SLC25A17: variants seen among roughly 807,000 people sequenced by gnomAD.
The protein encoded by SLC25A17 is peroxisomal membrane protein PMP34.
Under a neutral mutation model 38.5 loss-of-function variants are expected in SLC25A17, and 26 were observed. The observed-to-expected ratio is 0.68, with a 90% CI of 0.50 to 0.94. The LOEUF is 0.94. Ranked by LOEUF, SLC25A17 falls within the 40% of genes least tolerant of loss-of-function variation. The pLI is 0.00. For missense variants in SLC25A17, 333 were observed against 372.7 expected, an observed-to-expected ratio of 0.89 and a Z score of 0.88; for synonymous variants, 139 against 136.2, an observed-to-expected ratio of 1.02 and a Z score of -0.14.
At chr22:40,818,992 G>C (rs1442461310) in intron 1 of SLC25A17, among the ~76,000 whole-genome samples, 2 of 152,176 alleles carry the variant, frequency 1.3e-5, no homozygotes, top group African/African-American at 4.8e-5. Context: ...AGGAGACCAG[G>C]AGGTGGCGGA....
intron 4 of SLC25A17, among the ~76,000 whole-genome samples, 185 bp downstream of exon 4, chr22:40,792,340 C>T (rs542718273): frequency 6.6e-6 from 1 of 151,762 alleles, no homozygotes; most frequent in Non-Finnish European, 1.5e-5. Context: ...CACTACTGAC[C>T]TTACACTTAA....
chr22:40,804,596 G>A (rs1377363010), intron 1 of SLC25A17, among the ~76,000 whole-genome samples: 1 of 152,102 alleles, frequency 6.6e-6, no homozygotes, highest in Non-Finnish European at 1.5e-5. Flanking sequence ...CTATTGAGTT[G>A]TGTGAGTTGC....
chr22:40,814,822 G>GT (rs1165837350), intron 1 of SLC25A17, among the ~76,000 whole-genome samples: 19 of 141,578 alleles, frequency 1.3e-4, no homozygotes, highest in East Asian at 4.4e-4. Context: ...GTTTTGTTTT[G>GT]GTTTTTTTTG....
intron 1 of SLC25A17, among the ~76,000 whole-genome samples, chr22:40,815,451 C>T (rs2057629549): frequency 6.6e-6 from 1 of 152,134 alleles, no homozygotes; most frequent in Admixed American, 6.5e-5. Flanking sequence ...AAAAACTCAT[C>T]CCAAGTAGGT....
rs191644643 is a variant in SLC25A17, at chr22:40,795,364, C to T, written c.116-784G>A. Among the ~76,000 whole-genome samples the T allele has an allele frequency of 1.9e-3, 294 of 151,908 alleles. 4 individuals carry two copies. In the East Asian group the frequency reaches 0.035, roughly 18 times the overall value. ...CTGGAGTGCAGCGGCGTGATCTCGG[C>T]TCACTGCAAGCTCCACCTCCTGGGT... On this transcript the variant is annotated intron_variant, in intron 2 of 8. Transcript: ENST00000435456.
chr22:40,800,806 A>ATTT (rs1319762563), intron 1 of SLC25A17, among the ~76,000 whole-genome samples: 1 of 150,082 alleles, frequency 6.7e-6, no homozygotes, highest in African/African-American at 2.4e-5. Context: ...AAAAAAAAAA[A>ATTT]TTTTGAATAA....
At position 40,779,050 on chromosome 22, in the gene SLC25A17, C is replaced by T. The variant is rs1485784044; in HGVS notation, c.410G>A (p.Arg137Lys). 1 of 1,614,112 alleles carries T rather than the reference C, an allele frequency of 6.2e-7. No homozygotes were observed. The highest frequency in any genetic ancestry group is 8.5e-7 in the Non-Finnish European group (1 of 1,180,022). Residue 137 changes from arginine to lysine, a missense_variant, in exon 5 of 9, where the codon AGG becomes AAG. Transcript: ENST00000435456. ...GTTTGTTGGTACAATGTCTTCATTCCTAAATTTTGCTCCTTGAAGCTTCAG... is the reference window on the plus strand; with the variant it reads ...GTTTGTTGGTACAATGTCTTCATTCTTAAATTTTGCTCCTTGAAGCTTCAG... ...TRLKLQGAKF[R>K]NEDIVPTNYK...
intron 1 of SLC25A17, among the ~76,000 whole-genome samples, chr22:40,804,498 T>C (rs1441834091): frequency 6.6e-6 from 1 of 152,220 alleles, no homozygotes; most frequent in African/African-American, 2.4e-5. Context: ...GCCAATTCTA[T>C]GTCTTCTTTT....
In SLC25A17 at chr22:40,777,252, C is replaced by A. The variant is rs147363442; in HGVS notation, c.573G>T (p.Arg191=). Residue 191 remains arginine, a synonymous_variant, in exon 6 of 9, where the codon CGG becomes CGT. Coordinates refer to ENST00000435456, the MANE Select transcript of SLC25A17 (RefSeq NM_006358.4). ...IQFMFYEGLK[R]QLLKKRMKLS... is the part of the protein sequence containing the mutation. ...CCTTCATCCGTTTCTTTAAAAGCTG[C>A]CGTTTTAAACCTTCATAAAACATGA... The A allele has an allele frequency of 6.2e-7, 1 of 1,614,008 alleles. No homozygotes were observed. The highest frequency in any genetic ancestry group is 8.5e-7 in the Non-Finnish European group (1 of 1,179,898).
At chr22:40,783,994 C>T (rs539947666) in intron 4 of SLC25A17, among the ~76,000 whole-genome samples, 52 of 152,214 alleles carry the variant, frequency 3.4e-4, no homozygotes, top group African/African-American at 1.2e-3. Flanking sequence ...CATGAGCCAC[C>T]GCGCCCGGCC....
At chr22:40,815,421 C>T (rs976556715) in intron 1 of SLC25A17, among the ~76,000 whole-genome samples, 1 of 152,114 alleles carries the variant, frequency 6.6e-6, no homozygotes, top group East Asian at 1.9e-4. Context: ...ACGAGTACAA[C>T]TGTAATTGGA....
At chr22:40,797,098 C>A (rs903001444) in intron 2 of SLC25A17, among the ~76,000 whole-genome samples, 1 of 152,132 alleles carries the variant, frequency 6.6e-6, no homozygotes, top group African/African-American at 2.4e-5. Flanking sequence ...AAACATGCTA[C>A]CTGCAGTGAA....
chr22:40,775,664 C>T (rs941824009), intron 7 of SLC25A17, among the ~76,000 whole-genome samples: 3 of 151,388 alleles, frequency 2.0e-5, no homozygotes, highest in Non-Finnish European at 4.4e-5. Flanking sequence ...GGGGTTTCAC[C>T]TTGTTAGCCA....
rs2057410512 is a variant in SLC25A17, at chr22:40,794,538, A to G, written c.158T>C (p.Leu53Pro). ...RKSKTTHMVLLEIIKEEGLLA... is the reference protein window; with the variant it reads ...RKSKTTHMVLPEIIKEEGLLA... The stretch of plus-strand genomic sequence containing the variant: ...CAGTCCTTCTTCTTTAATGATCTCC[A>G]GGAGCACCATGTGTGTAGTTTTGGA... Residue 53 changes from leucine (L) to proline (P), a missense_variant, in exon 3 of 9, where the codon CTG (leucine) becomes CCG (proline). Transcript: ENST00000435456. 2 of 1,611,636 alleles carry G rather than the reference A, an allele frequency of 1.2e-6. No individual in the cohort carries two copies. Among genetic ancestry groups the G allele is most frequent in the Non-Finnish European group, 1.7e-6 (2 of 1,177,910 alleles).
At chr22:40,806,470 G>C (rs1314646434) in intron 1 of SLC25A17, among the ~76,000 whole-genome samples, 1 of 152,006 alleles carries the variant, frequency 6.6e-6, no homozygotes, top group Non-Finnish European at 1.5e-5. Flanking sequence ...AAGAAAGTAA[G>C]GGAAATCCAT....
chr22:40,799,061 A>G lies in SLC25A17; in HGVS notation c.77T>C (p.Val26Ala). ...TCTAGCTGTATCCAGGGGAAAAAAC[A>G]CTGTCATTGCTGTCACGCTTCCCTG... Reference protein sequence around the residue: ...GAVGSVTAMTVFFPLDTARLR... With the variant: ...GAVGSVTAMTAFFPLDTARLR... The change falls in exon 2 of 9, where the codon GTG (valine) becomes GCG (alanine). Residue 26 changes from valine to alanine, a missense_variant. Transcript: ENST00000435456. 1 of 1,613,780 alleles carries G rather than the reference A, an allele frequency of 6.2e-7. No homozygotes were observed. Among genetic ancestry groups the G allele is most frequent in the African/African-American group, 1.3e-5 (1 of 75,010 alleles).
chr22:40,803,087 A>C (rs2057497426), intron 1 of SLC25A17, among the ~76,000 whole-genome samples: 1 of 152,162 alleles, frequency 6.6e-6, no homozygotes. Context: ...TATCGTCACC[A>C]TAGTTTGTAA....
At chr22:40,780,423 A>T (rs568700764) in intron 4 of SLC25A17, among the ~76,000 whole-genome samples, 15 of 152,210 alleles carry the variant, frequency 9.9e-5, no homozygotes, top group Non-Finnish European at 1.9e-4. Flanking sequence ...TTGTCACTGG[A>T]GGCATTGCCT....
chr22:40,770,834 T>G lies in SLC25A17; in HGVS notation c.924A>C (p.Ter308CysextTer5). The change falls in exon 9 of 9, where the codon TGA (stop) becomes TGC (cysteine). Residue 308 changes from the stop codon to cysteine, a stop_lost. Transcript: ENST00000435456. Reference sequence around the variant, plus strand: ...TCGGAATTTTTCATGGGAAGGCGTCTCAGTGTTGGTGTGCACGCTTCAGCC... The same window carrying G: ...TCGGAATTTTTCATGGGAAGGCGTCGCAGTGTTGGTGTGCACGCTTCAGCC... ...VMGLKRAHQH[*>C] 6.3e-7 allele frequency: 1 copy of G among 1,591,478 alleles called. No individual in the cohort carries two copies. The highest frequency in any genetic ancestry group is 8.6e-7 in the Non-Finnish European group (1 of 1,167,130).
Sources: allele counts gnomAD v4.1 joint callset (sites outside exome capture counted in the v4.1 genomes callset), GRCh38; gene constraint gnomAD v4.1.1; transcripts MANE v1.5; gene names NCBI Gene and HGNC (gene_info 2026-07-23, HGNC 2026-07-21).